Variants in SCAI observed in about 807,000 individuals in gnomAD.
The protein encoded by SCAI is suppressor of cancer cell invasion.
In SCAI, 24 loss-of-function variants were observed where a neutral mutation model predicts 92.2. The ratio of observed to expected loss-of-function variants is 0.26; its 90% CI spans 0.19 to 0.37. The LOEUF (loss-of-function observed/expected upper bound fraction) is 0.37, where lower values mean the gene tolerates loss of function less well. Ranked by LOEUF, SCAI falls within the 10% of genes least tolerant of loss-of-function variation. The probability of loss-of-function intolerance (pLI) is 1.00; values close to 1 mark genes in which losing one functional copy is unlikely to be tolerated. For synonymous variants in SCAI, 261 were observed against 258.6 expected, an observed-to-expected ratio of 1.01 and a Z score of -0.09; for missense variants, 450 against 736.2, an observed-to-expected ratio of 0.61 and a Z score of 4.50.
chr9:125,082,754 T>C (rs1190674618), intron 2 of SCAI, among the ~76,000 whole-genome samples: 1 of 152,264 alleles, frequency 6.6e-6, no homozygotes, highest in Non-Finnish European at 1.5e-5. Context: ...TGGACTTGCA[T>C]GGGGCTTGCA....
Position 125,143,390 on chromosome 9 carries a change from G to A in SCAI, c.48C>T (p.Ala16=), listed in dbSNP as rs1352914786. ...RQPQQPRSRL[A]PRLTGTVEKP... is the part of the protein sequence containing the mutation. Reference sequence around the variant, plus strand: ...CCTCCACCCAGCCCCCGCACCTGGGGGCCAGGCGACTCCGCGGCTGCTGGG... The same window carrying A: ...CCTCCACCCAGCCCCCGCACCTGGGAGCCAGGCGACTCCGCGGCTGCTGGG... Residue 16 remains alanine (A), a synonymous_variant, in exon 1 of 18, where the codon GCC becomes GCT. Coordinates refer to ENST00000336505, the MANE Select transcript of SCAI (RefSeq NM_001144877.3). 4.3e-6 allele frequency: 6 copies of A among 1,390,348 alleles called. No individual in the cohort carries two copies. Among genetic ancestry groups the A allele is most frequent in the Non-Finnish European group, 2.8e-6 (3 of 1,070,884 alleles). The allele number at this position is 1,390,348 out of a possible 1,614,324, so 86.1% of individuals were successfully genotyped here. A position where few individuals can be genotyped will look rare whatever the true frequency, so the allele number is the denominator to read the frequency against.
Position 124,976,189 on chromosome 9 carries a change from G to T in SCAI, c.1327-3C>A. The T allele has an allele frequency of 6.3e-7, 1 of 1,586,056 alleles. No individual in the cohort carries two copies. The highest frequency in any genetic ancestry group is 8.7e-7 in the Non-Finnish European group (1 of 1,154,808). On this transcript the variant is annotated splice_polypyrimidine_tract_variant and splice_region_variant and intron_variant, in intron 14 of 17. Transcript: ENST00000336505. ...TGTCCAAACAAGTTTGTGAAATTCT[G>T]TAATATATAAGAATTTAAAACTTGC... is the stretch of plus-strand genomic sequence containing the variant.
chr9:125,123,767 C>T (rs1386242137), intron 2 of SCAI, among the ~76,000 whole-genome samples: 4 of 152,114 alleles, frequency 2.6e-5, no homozygotes, highest in African/African-American at 9.7e-5. Flanking sequence ...AGTGAGACTC[C>T]GTCTCAAAGA....
At chr9:124,958,474 C>A (rs184331999) in intron 17 of SCAI, among the ~76,000 whole-genome samples, 49 of 152,276 alleles carry the variant, frequency 3.2e-4, no homozygotes, top group Middle Eastern at 3.4e-3. Context: ...AAAGAAAAAT[C>A]TTTTCAACAT....
chr9:125,046,196 G>GATATATATATAT (rs71374222), intron 3 of SCAI, among the ~76,000 whole-genome samples: 5,548 of 51,434 alleles, frequency 0.11, 520 homozygotes, highest in Admixed American at 0.11. Context: ...GAAATTGTGA[G>GATATATATATAT]ATATATATAT....
intron 14 of SCAI, among the ~76,000 whole-genome samples, chr9:124,977,398 G>GGCTC (rs1831782744): frequency 6.6e-6 from 1 of 151,830 alleles, no homozygotes; most frequent in Non-Finnish European, 1.5e-5. Context: ...ACCTCAGTGA[G>GGCTC]GCCCGGCACA....
At chr9:125,140,996 T>A (rs946958543) in intron 2 of SCAI, among the ~76,000 whole-genome samples, 1 of 152,202 alleles carries the variant, frequency 6.6e-6, no homozygotes, top group East Asian at 1.9e-4. Flanking sequence ...TATACTTATC[T>A]CATTTCAGAC....
At position 124,971,467 on chromosome 9, in the gene SCAI, T is replaced by C; in HGVS notation, c.1577A>G (p.Gln526Arg). Residue 526 changes from glutamine to arginine, a missense_variant, in exon 17 of 18, where the codon CAG becomes CGG. By Grantham distance (43) the Gln-to-Arg change is conservative. Coordinates refer to ENST00000336505, the MANE Select transcript of SCAI (RefSeq NM_001144877.3). ...QLLTHSRSIDQAFLQFFGDEF... is the reference protein window; with the variant it reads ...QLLTHSRSIDRAFLQFFGDEF... ...ATCTCCAAAAAACTGGAGAAATGCCTGATCTGCAAAGAGGAGAAAAGTGAC... is the reference window on the plus strand; with the variant it reads ...ATCTCCAAAAAACTGGAGAAATGCCCGATCTGCAAAGAGGAGAAAAGTGAC... 1 of 1,604,926 alleles carries C rather than the reference T, an allele frequency of 6.2e-7. No homozygotes were observed. The highest frequency in any genetic ancestry group is 8.5e-7 in the Non-Finnish European group (1 of 1,174,536).
At chr9:124,968,763 G>A (rs937021748) in intron 17 of SCAI, 8 of 1,036,766 alleles carry the variant, frequency 7.7e-6, no homozygotes, top group Admixed American at 7.0e-5. Flanking sequence ...GTTCAAACTG[G>A]CATGGTGGGG....
chr9:125,085,870 G>C (rs571142685), intron 2 of SCAI, among the ~76,000 whole-genome samples: 1 of 152,300 alleles, frequency 6.6e-6, no homozygotes, highest in Non-Finnish European at 1.5e-5. Flanking sequence ...TAAAAACCGA[G>C]CAAGACTGCT....
chr9:124,957,087 G>A (rs1023849476), intron 17 of SCAI, among the ~76,000 whole-genome samples: 1 of 151,734 alleles, frequency 6.6e-6, no homozygotes, highest in Admixed American at 6.6e-5. Context: ...GACCTCCCAG[G>A]CTCAAGTGAT....
chr9:124,966,535 T>G (rs1831545141), intron 17 of SCAI, among the ~76,000 whole-genome samples: 2 of 152,186 alleles, frequency 1.3e-5, no homozygotes, highest in Non-Finnish European at 1.5e-5. Flanking sequence ...TCATTCATAA[T>G]AGATTTGTAT....
chr9:125,000,548 A>C (rs573569513), intron 12 of SCAI, among the ~76,000 whole-genome samples: 207 of 152,024 alleles, frequency 1.4e-3, no homozygotes, highest in Non-Finnish European at 2.5e-3. Flanking sequence ...GCTGCAGTGA[A>C]CTATGATCAC....
chr9:124,988,241 TG>T (rs773967952), intron 14 of SCAI, among the ~76,000 whole-genome samples: 3 of 152,116 alleles, frequency 2.0e-5, no homozygotes, highest in Non-Finnish European at 4.4e-5. Context: ...CCAGCTCAGT[TG>T]GAACCAGTCC....
chr9:125,062,462 A>C (rs1833788659), intron 2 of SCAI, among the ~76,000 whole-genome samples: 1 of 150,070 alleles, frequency 6.7e-6, no homozygotes, highest in Admixed American at 6.6e-5. Flanking sequence ...AAAAAAAAAG[A>C]AAAGCAGGCT....
At chr9:125,122,902 G>T (rs576079071) in intron 2 of SCAI, among the ~76,000 whole-genome samples, 1 of 152,232 alleles carries the variant, frequency 6.6e-6, no homozygotes, top group East Asian at 1.9e-4. Flanking sequence ...GTGAGACCCT[G>T]TCTCAAAAAT....
chr9:125,035,856 G>A (rs1264228573), intron 3 of SCAI, among the ~76,000 whole-genome samples: 2 of 152,164 alleles, frequency 1.3e-5, no homozygotes, highest in Non-Finnish European at 2.9e-5. Flanking sequence ...CCAGGAGTTC[G>A]AGACCAGCAT....
chr9:125,134,209 G>A (rs371487949), intron 2 of SCAI, among the ~76,000 whole-genome samples: 2 of 152,168 alleles, frequency 1.3e-5, no homozygotes, highest in African/African-American at 4.8e-5. Context: ...TCAGGGCTTA[G>A]ATAAATGACT....
At chr9:125,054,383 G>A (rs1349806919) in intron 3 of SCAI, among the ~76,000 whole-genome samples, 1 of 152,168 alleles carries the variant, frequency 6.6e-6, no homozygotes, top group Non-Finnish European at 1.5e-5. Flanking sequence ...GTGAGCAGAA[G>A]TTTGCCTTGG....
Sources: allele counts gnomAD v4.1 joint callset (sites outside exome capture counted in the v4.1 genomes callset), GRCh38; gene constraint gnomAD v4.1.1; transcripts MANE v1.5; gene names NCBI Gene and HGNC (gene_info 2026-07-23, HGNC 2026-07-21).